Variants in TNRC18 observed in about 807,000 individuals in gnomAD.
The protein encoded by TNRC18 is trinucleotide repeat containing 18.
TNRC18 carries 69 observed loss-of-function variants against 226.7 expected under a neutral mutation model. The ratio of observed to expected loss-of-function variants is 0.30; its 90% CI spans 0.25 to 0.37. The LOEUF (loss-of-function observed/expected upper bound fraction) is 0.37. Ranked by LOEUF, TNRC18 falls within the 10% of genes least tolerant of loss-of-function variation. The probability of loss-of-function intolerance (pLI) is 1.00; values close to 1 mark genes in which losing one functional copy is unlikely to be tolerated. For missense variants in TNRC18, 4,754 were observed against 4,256.6 expected (o/e 1.12, Z -3.25); for synonymous variants, 2,449 against 1,927.6 (o/e 1.27, Z -7.09).
intron 2 of TNRC18, chr7:5,420,796 C>T (rs1473304840): frequency 4.5e-6 from 3 of 673,104 alleles, no homozygotes; most frequent in Middle Eastern, 2.4e-4. Flanking sequence ...TTGGAATCGC[C>T]CCCGGTGGCT....
At chr7:5,423,031 G>A (rs1016261985) in intron 1 of TNRC18, 7 of 152,292 alleles carry the variant, frequency 4.6e-5, no homozygotes, top group Non-Finnish European at 8.8e-5. Context: ...GCTATCTGCG[G>A]GCTCCGCTGC....
At position 5,389,154 on chromosome 7, in the gene TNRC18, C is replaced by T; in HGVS notation, c.670G>A (p.Asp224Asn). 2.3e-6 allele frequency: 3 copies of T among 1,327,974 alleles called. No homozygotes were observed. Among genetic ancestry groups the T allele is most frequent in the Non-Finnish European group, 2.9e-6 (3 of 1,039,452 alleles). 82.3% of individuals were successfully genotyped at this position (1,327,974 alleles called of 1,614,324 possible). ...GCCTCCTCGCCCCGGGCGCGCGGGT[C>T]CTTCTTGCCGAAAAGCGGAGGCGGC... ...GEPPPLFGKK[D>N]PRARGEEASG... Residue 224 changes from aspartate (D) to asparagine (N), a missense_variant, in exon 5 of 30, where the codon GAC becomes AAC. Asp to Asn is a conservative substitution (Grantham distance 23). Coordinates refer to ENST00000430969, the MANE Select transcript of TNRC18 (RefSeq NM_001080495.3).
At chr7:5,308,729 C>T (rs555283718) in intron 29 of TNRC18, 146 bp downstream of exon 29, 2 of 808,900 alleles carry the variant, frequency 2.5e-6, no homozygotes, top group East Asian at 2.7e-5. Context: ...AGGAGCCAGG[C>T]ACTGAGAGTG....
chr7:5,359,343 C>T, intron 15 of TNRC18, 55 bp downstream of exon 15: 11 of 1,592,654 alleles, frequency 6.9e-6, no homozygotes, highest in South Asian at 1.1e-5. Context: ...TCTTAACACA[C>T]CCTCCAGACA....
Position 5,399,001 on chromosome 7 carries a change from G to A in TNRC18, c.188-4406C>T, listed in dbSNP as rs113825616. ...GGTGAGGAGAGGATCAAGGCATCCC[G>A]CAACTCACAAAAGAGGCTCTAAAAT... On this transcript the variant is annotated intron_variant, in intron 2 of 29. Coordinates refer to ENST00000430969, the MANE Select transcript of TNRC18 (RefSeq NM_001080495.3). Among the ~76,000 whole-genome samples the A allele has an allele frequency of 4.6e-5, 7 of 152,206 alleles. 1 individual carries two copies. Among genetic ancestry groups the A allele is most frequent in the South Asian group, 2.1e-4 (1 of 4,820 alleles).
intron 27 of TNRC18, among the ~76,000 whole-genome samples, chr7:5,311,643 G>C (rs1216255728): frequency 6.6e-6 from 1 of 151,932 alleles, no homozygotes. Context: ...GTGAGACACT[G>C]TCTCTACAAA....
intron 24 of TNRC18, chr7:5,320,110 C>T: frequency 1.8e-6 from 1 of 558,356 alleles, no homozygotes; most frequent in Non-Finnish European, 3.2e-6. Context: ...CAGATGACAG[C>T]ACTGCTGACA....
At position 5,388,524 on chromosome 7, in the gene TNRC18, G is replaced by A. The variant is rs1779998993; in HGVS notation, c.1300C>T (p.Arg434Cys). The change falls in exon 5 of 30, where the codon CGC (arginine) becomes TGC (cysteine). Residue 434 changes from arginine to cysteine, a missense_variant. Physicochemically the swap from Arg to Cys is radical, Grantham distance 180 (BLOSUM62 -3). Coordinates refer to ENST00000430969, the MANE Select transcript of TNRC18 (RefSeq NM_001080495.3). ...EGLREKNSVIRSLKRPPPADA... is the reference protein window; with the variant it reads ...EGLREKNSVICSLKRPPPADA... Reference sequence around the variant, plus strand: ...GCGGGGGGCGGCCGCTTGAGCGAGCGGATGACCGAGTTCTTCTCGCGCAGG... The same window carrying A: ...GCGGGGGGCGGCCGCTTGAGCGAGCAGATGACCGAGTTCTTCTCGCGCAGG... 6 of 1,322,546 alleles carry A rather than the reference G, an allele frequency of 4.5e-6. No individual in the cohort carries two copies. Among genetic ancestry groups the A allele is most frequent in the Admixed American group, 4.2e-5 (1 of 23,608 alleles). 81.9% of individuals were successfully genotyped at this position (1,322,546 alleles called of 1,614,324 possible).
Position 5,321,134 on chromosome 7 carries a change from T to C in TNRC18, c.6499A>G (p.Ile2167Val). The C allele has an allele frequency of 6.4e-7, 1 of 1,555,534 alleles. No individual in the cohort carries two copies. The highest frequency in any genetic ancestry group is 8.7e-7 in the Non-Finnish European group (1 of 1,150,406). The change falls in exon 22 of 30, where the codon ATC becomes GTC. Residue 2167 changes from isoleucine (I) to valine (V), a missense_variant. Ile to Val is a conservative substitution (Grantham distance 29). Transcript: ENST00000430969. ...DELKDGLRVL[I>V]PMDDKLLYAG... ...TACAGCAGCTTGTCATCCATGGGGA[T>C]GAGCACACGCAGGCCGTCCTTCAGC...
intron 3 of TNRC18, among the ~76,000 whole-genome samples, chr7:5,392,298 C>T (rs1482241263): frequency 6.6e-6 from 1 of 152,072 alleles, no homozygotes; most frequent in Non-Finnish European, 1.5e-5. Flanking sequence ...CCCATCTCTA[C>T]TAAAAATACA....
In TNRC18 at chr7:5,313,505, G is replaced by A. The variant is rs201969561; in HGVS notation, c.7386C>T (p.Val2462=). ...RRPGEEAELL[V]KLDHEGVTSP... ...ACGTGACACCCTCGTGGTCCAGTTTGACAAGCAGCTCGGCCTCCTCCCCCG... is the reference window on the plus strand; with the variant it reads ...ACGTGACACCCTCGTGGTCCAGTTTAACAAGCAGCTCGGCCTCCTCCCCCG... The change falls in exon 27 of 30, where the codon GTC becomes GTT. Residue 2462 remains valine, a synonymous_variant. Transcript: ENST00000430969. The A allele has an allele frequency of 1.7e-3, 2,812 of 1,613,282 alleles. 5 individuals carry two copies. Among genetic ancestry groups the A allele is most frequent in the Non-Finnish European group, 2.3e-3 (2,656 of 1,179,536 alleles).
intron 5 of TNRC18, among the ~76,000 whole-genome samples, chr7:5,387,055 CAAG>C (rs1390030654): frequency 6.6e-6 from 1 of 152,126 alleles, no homozygotes; most frequent in African/African-American, 2.4e-5. Flanking sequence ...GCCTGGGCAA[CAAG>C]AGTGAAACTC....
In TNRC18 at chr7:5,370,400, C is replaced by T. The variant is rs1794029723; in HGVS notation, c.4194G>A (p.Leu1398=). 7 of 1,549,694 alleles carry T rather than the reference C, an allele frequency of 4.5e-6. No homozygotes were observed. The highest frequency in any genetic ancestry group is 5.2e-6 in the Non-Finnish European group (6 of 1,146,076). Residue 1398 remains leucine, a synonymous_variant, in exon 11 of 30, where the codon CTG becomes CTA. Transcript: ENST00000430969. The stretch of plus-strand genomic sequence containing the variant: ...CTCCCATCTCTTGGCTCCTCCTCTC[C>T]AGCTCCAGCTCTGCGATCTCACTTA... The part of the protein sequence containing the change: ...TLLSEIAELE[L]ERRSQEMGGA...
At chr7:5,420,303 C>G in intron 2 of TNRC18, 1 of 444,872 alleles carries the variant, frequency 2.2e-6, no homozygotes, top group Non-Finnish European at 4.5e-6. Flanking sequence ...GCCGCCTGGG[C>G]CCTGCCCGAC....
chr7:5,376,223 C>A lies in TNRC18; in HGVS notation c.2610G>T (p.Ala870=). Residue 870 remains alanine (A), a splice_region_variant and synonymous_variant, in exon 9 of 30, where the codon GCG becomes GCT. Coordinates refer to ENST00000430969, the MANE Select transcript of TNRC18 (RefSeq NM_001080495.3). ...VIPSDHLPHF[A]ELMERATVPP... is the part of the protein sequence containing the mutation. ...GTACGGTGGCCCGCTCCATCAGCTCCGCTGCAGGGACAGAGACAGTGCGCT... is the reference window on the plus strand; with the variant it reads ...GTACGGTGGCCCGCTCCATCAGCTCAGCTGCAGGGACAGAGACAGTGCGCT... The A allele has an allele frequency of 6.7e-7, 1 of 1,495,940 alleles. No individual in the cohort carries two copies. The highest frequency in any genetic ancestry group is 8.9e-7 in the Non-Finnish European group (1 of 1,126,764). The allele number at this position is 1,495,940 out of a possible 1,614,324, so 92.7% of individuals were successfully genotyped here.
chr7:5,323,716 C>T (rs1176846270), intron 21 of TNRC18, among the ~76,000 whole-genome samples: 2 of 151,912 alleles, frequency 1.3e-5, no homozygotes, highest in South Asian at 2.1e-4. Flanking sequence ...TACAGGCGCC[C>T]GCCACCACAC....
chr7:5,400,858 T>A (rs1461008257), intron 2 of TNRC18, among the ~76,000 whole-genome samples: 1 of 152,044 alleles, frequency 6.6e-6, no homozygotes, highest in Non-Finnish European at 1.5e-5. Flanking sequence ...CCTGGGCTGA[T>A]AGAGACTCTT....
Position 5,374,159 on chromosome 7 carries a change from GTGGGCGGTGGGGA to G in TNRC18, c.3112_3124del (p.Ser1038ProfsTer117). On this transcript the variant is annotated frameshift_variant, in exon 10 of 30. Transcript: ENST00000430969. LOFTEE classifies it high-confidence loss of function. ...CTCCTCCTTGCGGGTGATACCCGGGGTGGGCGGTGGGGAGGCGGGCGGCGGGCTGGTGGGGTGG... is the reference window on the plus strand; with the variant it reads ...CTCCTCCTTGCGGGTGATACCCGGGGGGCGGGCGGCGGGCTGGTGGGGTGG... 1 of 1,492,902 alleles carries G rather than the reference GTGGGCGGTGGGGA, an allele frequency of 6.7e-7. No individual in the cohort carries two copies. Among genetic ancestry groups the G allele is most frequent in the Non-Finnish European group, 8.9e-7 (1 of 1,124,746 alleles). 92.5% of individuals were successfully genotyped at this position (1,492,902 alleles called of 1,614,324 possible).
chr7:5,397,382 ACCCG>A (rs1780768754), intron 2 of TNRC18, among the ~76,000 whole-genome samples: 1 of 151,516 alleles, frequency 6.6e-6, no homozygotes, highest in African/African-American at 2.4e-5. Flanking sequence ...GGCTTGTGAA[ACCCG>A]CCCAGCAGCA....
Sources: allele counts gnomAD v4.1 joint callset (sites outside exome capture counted in the v4.1 genomes callset), GRCh38; gene constraint gnomAD v4.1.1; transcripts MANE v1.5; gene names NCBI Gene and HGNC (gene_info 2026-07-23, HGNC 2026-07-21).